UXS1: variants seen among roughly 807,000 people sequenced by gnomAD.
The protein encoded by UXS1 is UDP-glucuronic acid decarboxylase 1.
In UXS1, 33 loss-of-function variants were observed where a neutral mutation model predicts 62.6. The observed-to-expected ratio is 0.53, with a 90% confidence interval of 0.40 to 0.70. The LOEUF (loss-of-function observed/expected upper bound fraction) is 0.70, where lower values mean the gene tolerates loss of function less well. UXS1 is among the 30% of genes least tolerant of loss of function. UXS1 has a pLI of 0.00. For synonymous variants in UXS1, 213 were observed against 206.8 expected, an observed-to-expected ratio of 1.03 and a Z score of -0.26; for missense variants, 434 against 556.3, an observed-to-expected ratio of 0.78 and a Z score of 2.21.
chr2:106,115,761 CAG>C (rs983833261), intron 9 of UXS1, among the ~76,000 whole-genome samples: 5 of 152,198 alleles, frequency 3.3e-5, no homozygotes, highest in South Asian at 2.1e-4. Flanking sequence ...ACCTACAACA[CAG>C]GGGTTAAAAC....
intron 1 of UXS1, among the ~76,000 whole-genome samples, chr2:106,169,195 T>A (rs1683389273): frequency 6.6e-6 from 1 of 152,206 alleles, no homozygotes; most frequent in African/African-American, 2.4e-5. Context: ...TTTTCTTTAC[T>A]GTGCTATATA....
At chr2:106,109,668 C>T (rs1226161136) in intron 10 of UXS1, among the ~76,000 whole-genome samples, 3 of 152,222 alleles carry the variant, frequency 2.0e-5, no homozygotes, top group Non-Finnish European at 4.4e-5. Context: ...CTTTGCTGAA[C>T]ATGATTCCAC....
intron 6 of UXS1, among the ~76,000 whole-genome samples, chr2:106,140,389 G>A (rs189114821): frequency 1.3e-5 from 2 of 152,330 alleles, no homozygotes; most frequent in Admixed American, 1.3e-4. Context: ...TAAACTGAAA[G>A]CTGAGAAAAA....
chr2:106,191,256 T>C (rs1194603679), intron 1 of UXS1, among the ~76,000 whole-genome samples: 3 of 152,154 alleles, frequency 2.0e-5, no homozygotes, highest in African/African-American at 7.2e-5. Flanking sequence ...GGAGGGCATT[T>C]CTGCAACGGA....
intron 6 of UXS1, among the ~76,000 whole-genome samples, chr2:106,139,753 T>C (rs1304245169): frequency 1.3e-5 from 2 of 152,222 alleles, no homozygotes; most frequent in Admixed American, 6.5e-5. Flanking sequence ...CCATGCTGTA[T>C]GAAACTGCCA....
At chr2:106,162,230 C>T (rs1386742015) in intron 4 of UXS1, among the ~76,000 whole-genome samples, 2 of 152,132 alleles carry the variant, frequency 1.3e-5, no homozygotes, top group African/African-American at 4.8e-5. Flanking sequence ...ATTTTCAAGG[C>T]GGTTTCACAG....
At chr2:106,187,079 T>A (rs1684605738) in intron 1 of UXS1, among the ~76,000 whole-genome samples, 1 of 151,538 alleles carries the variant, frequency 6.6e-6, no homozygotes, top group African/African-American at 2.4e-5. Context: ...ACAAAAAAAG[T>A]AAGAAAAAGA....
intron 1 of UXS1, among the ~76,000 whole-genome samples, chr2:106,171,365 T>C (rs1016611679): frequency 4.6e-5 from 7 of 152,226 alleles, no homozygotes; most frequent in African/African-American, 1.7e-4. Flanking sequence ...TCAATCCTTT[T>C]AGAATACAGT....
intron 1 of UXS1, among the ~76,000 whole-genome samples, chr2:106,168,260 G>C (rs1683332364): frequency 6.6e-6 from 1 of 152,148 alleles, no homozygotes; most frequent in South Asian, 2.1e-4. Context: ...GGCCACAAGA[G>C]TGACCTCTGG....
intron 1 of UXS1, among the ~76,000 whole-genome samples, chr2:106,173,354 A>C (rs1003512549): frequency 1.3e-5 from 2 of 152,154 alleles, no homozygotes; most frequent in Non-Finnish European, 2.9e-5. Flanking sequence ...GGAGTTTGAG[A>C]CCAGCATGAG....
rs749206010 is a variant in UXS1, at chr2:106,138,284, C to T, written c.472+6906G>A. On this transcript the variant is annotated intron_variant, in intron 6 of 14. Coordinates refer to ENST00000283148, the MANE Select transcript of UXS1 (RefSeq NM_001253875.2). ...TCACCATCCTTGGTCAGAAATAATC[C>T]CTTGCCTGCACCACTAGTCCACAAC... 1.9e-5 allele frequency: 19 copies of T among 985,362 alleles called. No homozygotes were observed. The South Asian group carries it at 5.2e-4, about 27-fold the overall frequency. 61.0% of individuals were successfully genotyped at this position (985,362 alleles called of 1,614,324 possible).
Position 106,129,721 on chromosome 2 carries a change from G to A in UXS1, c.530C>T (p.Pro177Leu). 1 of 1,612,354 alleles carries A rather than the reference G, an allele frequency of 6.2e-7. No individual in the cohort carries two copies. The highest frequency in any genetic ancestry group is 8.5e-7 in the Non-Finnish European group (1 of 1,179,168). The change falls in exon 7 of 15, where the codon CCT becomes CTT. Residue 177 changes from proline (P) to leucine (L), a missense_variant. Pro to Leu is a moderately conservative substitution (Grantham distance 98). Coordinates refer to ENST00000283148, the MANE Select transcript of UXS1 (RefSeq NM_001253875.2). Reference protein sequence around the residue: ...PASPPNYMYNPIKTLKTNTIG... With the variant: ...PASPPNYMYNLIKTLKTNTIG... ...CGTATTGGTCTTTAATGTCTTGATAGGATTATACATGTAGTTTGGAGGGGA... is the reference window on the plus strand; with the variant it reads ...CGTATTGGTCTTTAATGTCTTGATAAGATTATACATGTAGTTTGGAGGGGA...
At chr2:106,115,859 C>T (rs1306528580) in intron 9 of UXS1, among the ~76,000 whole-genome samples, 1 of 152,178 alleles carries the variant, frequency 6.6e-6, no homozygotes. Context: ...GACCTCTGTC[C>T]CCAGTTTTCT....
At chr2:106,104,981 C>A in intron 10 of UXS1, 144 bp from the exon 11 acceptor site, 1 of 922,650 alleles carries the variant, frequency 1.1e-6, no homozygotes, top group Non-Finnish European at 1.8e-6. Context: ...AGCACCACAT[C>A]CCGCACTCTA....
At chr2:106,105,725 G>C (rs923462650) in intron 10 of UXS1, among the ~76,000 whole-genome samples, 5 of 152,250 alleles carry the variant, frequency 3.3e-5, no homozygotes, top group African/African-American at 1.2e-4. Context: ...GACCTGCGGA[G>C]CGCCACGGAT....
chr2:106,175,828 G>A, intron 1 of UXS1, among the ~76,000 whole-genome samples: 1 of 152,160 alleles, frequency 6.6e-6, no homozygotes, highest in Non-Finnish European at 1.5e-5. Context: ...TCAAATTCCT[G>A]ATCCACCAAG....
intron 5 of UXS1, among the ~76,000 whole-genome samples, chr2:106,152,380 A>C (rs934172508): frequency 6.6e-6 from 1 of 151,756 alleles, no homozygotes; most frequent in East Asian, 1.9e-4. Flanking sequence ...TGAAATCAGG[A>C]GGTGGAGGTT....
chr2:106,184,384 CA>C (rs1269981717), intron 1 of UXS1, among the ~76,000 whole-genome samples: 1 of 152,206 alleles, frequency 6.6e-6, no homozygotes, highest in Non-Finnish European at 1.5e-5. Flanking sequence ...ACCTATTCAA[CA>C]TATCTATTTG....
Position 106,112,774 on chromosome 2 carries a change from G to A in UXS1, c.760-9C>T, listed in dbSNP as rs1378405771. 6.2e-7 allele frequency: 1 copy of A among 1,612,330 alleles called. No homozygotes were observed. The highest frequency in any genetic ancestry group is 8.5e-7 in the Non-Finnish European group (1 of 1,179,270). ...CGCACTTCCACGCCTTCCTGGAACA[G>A]AGAGAAGAGGAGGTCAGGTGTGCTC... is the stretch of plus-strand genomic sequence containing the variant. On this transcript the variant is annotated splice_polypyrimidine_tract_variant and intron_variant, in intron 9 of 14. Coordinates refer to ENST00000283148, the MANE Select transcript of UXS1 (RefSeq NM_001253875.2).
Sources: allele counts gnomAD v4.1 joint callset (sites outside exome capture counted in the v4.1 genomes callset), GRCh38; gene constraint gnomAD v4.1.1; transcripts MANE v1.5; gene names NCBI Gene and HGNC (gene_info 2026-07-23, HGNC 2026-07-21).